Variants in NAALADL2 observed in about 807,000 individuals in gnomAD.
The protein encoded by NAALADL2 is N-acetylated alpha-linked acidic dipeptidase like 2, also known as inactive N-acetylated-alpha-linked acidic dipeptidase-like protein 2.
NAALADL2 carries 76 observed loss-of-function variants against 87.2 expected under a neutral mutation model. The observed-to-expected ratio is 0.87, with a 90% CI of 0.72 to 1.05. The LOEUF is 1.05. NAALADL2 is among the 50% of genes least tolerant of loss of function. NAALADL2 has a pLI of 0.00. For synonymous variants in NAALADL2, 354 were observed against 331.0 expected (o/e 1.07, Z -0.75); for missense variants, 1,089 against 945.8 (o/e 1.15, Z -1.99).
intron 1 of NAALADL2, among the ~76,000 whole-genome samples, chr3:174,867,109 TTAAC>T (rs759023648): frequency 1.5e-4 from 23 of 151,802 alleles, no homozygotes; most frequent in East Asian, 5.8e-4. Flanking sequence ...TGTAAAATAT[TTAAC>T]TAAATTGATT....
At chr3:175,469,136 A>C (rs2149285768) in intron 8 of NAALADL2, among the ~76,000 whole-genome samples, 1 of 152,214 alleles carries the variant, frequency 6.6e-6, no homozygotes, top group South Asian at 2.1e-4. Context: ...AGATGGGCAA[A>C]GACATATGAG....
intron 11 of NAALADL2, among the ~76,000 whole-genome samples, chr3:175,653,452 T>C (rs1249373078): frequency 1.3e-5 from 2 of 152,218 alleles, no homozygotes; most frequent in Non-Finnish European, 2.9e-5. Flanking sequence ...CCTCTTCATC[T>C]GGCACTGGTT....
intron 13 of NAALADL2, among the ~76,000 whole-genome samples, chr3:175,758,176 A>G (rs1341531289): frequency 6.6e-6 from 1 of 152,170 alleles, no homozygotes; most frequent in East Asian, 1.9e-4. Flanking sequence ...ACATCATTTT[A>G]TTCATGCTAG....
chr3:175,655,062 C>A (rs780424544), intron 11 of NAALADL2, among the ~76,000 whole-genome samples: 43 of 151,670 alleles, frequency 2.8e-4, no homozygotes, highest in Non-Finnish European at 1.2e-4. Flanking sequence ...AAAATTATTA[C>A]AATAGGATAG....
chr3:175,433,422 G>A (rs985032666), intron 5 of NAALADL2, among the ~76,000 whole-genome samples: 3 of 151,992 alleles, frequency 2.0e-5, no homozygotes, highest in Admixed American at 1.3e-4. Context: ...TCATGGAAAT[G>A]CTTTTAAAAG....
At chr3:175,794,024 T>C (rs1030264347) in intron 13 of NAALADL2, among the ~76,000 whole-genome samples, 1 of 152,200 alleles carries the variant, frequency 6.6e-6, no homozygotes. Context: ...AAAATAAAGC[T>C]GAATTACCTA....
At chr3:175,546,377 T>A (rs1713329462) in intron 9 of NAALADL2, among the ~76,000 whole-genome samples, 1 of 152,156 alleles carries the variant, frequency 6.6e-6, no homozygotes, top group South Asian at 2.1e-4. Flanking sequence ...TTGGGGCATG[T>A]AGCGCATTTA....
intron 5 of NAALADL2, among the ~76,000 whole-genome samples, chr3:175,350,278 C>T (rs2148872336): frequency 6.6e-6 from 1 of 152,190 alleles, no homozygotes; most frequent in Non-Finnish European, 1.5e-5. Context: ...CTGTTGCAAA[C>T]AATTTATTCT....
At chr3:174,910,795 A>C (rs2108299237) in intron 1 of NAALADL2, among the ~76,000 whole-genome samples, 1 of 152,242 alleles carries the variant, frequency 6.6e-6, no homozygotes, top group South Asian at 2.1e-4. Context: ...TTCATCTTTA[A>C]AATGTGACAT....
At chr3:174,567,675 C>T (rs1298287883) in intron 2 of NAALADL2, among the ~76,000 whole-genome samples, 2 of 151,348 alleles carry the variant, frequency 1.3e-5, no homozygotes, top group Non-Finnish European at 3.0e-5. Flanking sequence ...ATAGATAAGT[C>T]GATATGATCA....
intron 2 of NAALADL2, among the ~76,000 whole-genome samples, chr3:175,162,325 A>T (rs1403189323): frequency 1.3e-5 from 2 of 152,108 alleles, no homozygotes; most frequent in African/African-American, 4.8e-5. Flanking sequence ...CATATTTAAA[A>T]TTTGCACTGC....
chr3:175,801,454 C>T lies in NAALADL2; in HGVS notation c.2190-1551C>T, dbSNP rs114424182. ...CTTACAAAAATGCTAACATGGATTT[C>T]ACTAAGGATATCATGCTGTTCTATA... On this transcript the variant is annotated intron_variant, in intron 13 of 13. Transcript: ENST00000454872. Among the ~76,000 whole-genome samples the T allele has an allele frequency of 8.0e-3, 1,220 of 152,160 alleles. 15 individuals carry two copies. The highest frequency in any genetic ancestry group is 0.028 in the African/African-American group (1,154 of 41,534).
intron 2 of NAALADL2, among the ~76,000 whole-genome samples, chr3:174,566,284 A>G (rs1353913109): frequency 6.6e-6 from 1 of 151,954 alleles, no homozygotes; most frequent in South Asian, 2.1e-4. Context: ...CTTTCATTCT[A>G]GAAATACAGT....
intron 2 of NAALADL2, among the ~76,000 whole-genome samples, chr3:174,637,742 C>A (rs937091872): frequency 6.6e-6 from 1 of 151,926 alleles, no homozygotes; most frequent in African/African-American, 2.4e-5. Flanking sequence ...AAATACAAAA[C>A]GGTACATTTA....
chr3:174,714,483 G>C (rs1253083294), intron 2 of NAALADL2, among the ~76,000 whole-genome samples: 1 of 152,112 alleles, frequency 6.6e-6, no homozygotes, highest in Non-Finnish European at 1.5e-5. Context: ...TCATTGAGCA[G>C]TGGTTTGTAG....
chr3:174,910,929 A>G (rs913682331), intron 1 of NAALADL2, among the ~76,000 whole-genome samples: 1 of 152,046 alleles, frequency 6.6e-6, no homozygotes, highest in Non-Finnish European at 1.5e-5. Context: ...CAAAACTGAC[A>G]AGCAGGGCGA....
chr3:174,695,773 A>G (rs998090102), intron 2 of NAALADL2, among the ~76,000 whole-genome samples: 1 of 152,074 alleles, frequency 6.6e-6, no homozygotes, highest in African/African-American at 2.4e-5. Context: ...ATTTCCTACC[A>G]TATATCACTT....
chr3:174,798,924 C>T (rs938911226), intron 3 of NAALADL2, among the ~76,000 whole-genome samples: 1 of 151,972 alleles, frequency 6.6e-6, no homozygotes, highest in Non-Finnish European at 1.5e-5. Context: ...AATCCTAGAA[C>T]TTTGGGAGGC....
intron 9 of NAALADL2, among the ~76,000 whole-genome samples, chr3:175,527,482 C>A (rs896275521): frequency 6.6e-6 from 1 of 151,966 alleles, no homozygotes; most frequent in African/African-American, 2.4e-5. Context: ...TCTTCTAAGC[C>A]CCATCTACCC....
Sources: gnomAD v4.1 joint callset for allele counts (sites outside exome capture counted in the v4.1 genomes callset) on GRCh38, gnomAD v4.1.1 for gene constraint, MANE v1.5 for transcripts, NCBI Gene and HGNC (gene_info 2026-07-23, HGNC 2026-07-21) for gene names.